Variants in MSI1 observed in about 807,000 individuals in gnomAD.
MSI1 encodes RNA-binding protein Musashi homolog 1.
Under a neutral mutation model 54.4 loss-of-function variants are expected in MSI1, and 15 were observed. That is an observed-to-expected ratio of 0.28 (90% CI 0.18 to 0.42). MSI1 has a LOEUF of 0.42. MSI1 is among the 20% of genes least tolerant of loss of function. The probability of loss-of-function intolerance (pLI) is 1.00; values close to 1 mark genes in which losing one functional copy is unlikely to be tolerated. For missense variants in MSI1, 304 were observed against 506.0 expected (o/e 0.60, Z 3.83); for synonymous variants, 200 against 196.5 (o/e 1.02, Z -0.15).
intron 5 of MSI1, 98 bp from the exon 6 acceptor site, chr12:120,363,233 GCT>G (rs1446241627): frequency 4.2e-6 from 4 of 959,206 alleles, no homozygotes; most frequent in Admixed American, 3.6e-5. Context: ...CAGCTGACAA[GCT>G]CTCTGTGGCC....
chr12:120,367,084 G>A (rs1876063366), intron 4 of MSI1, among the ~76,000 whole-genome samples: 1 of 152,172 alleles, frequency 6.6e-6, no homozygotes, highest in Admixed American at 6.5e-5. Flanking sequence ...ACTGGGCAGA[G>A]ATAACAGGAG....
At chr12:120,364,932 A>G (rs537768938) in intron 4 of MSI1, among the ~76,000 whole-genome samples, 177 bp from the exon 5 acceptor site, 1 of 152,296 alleles carries the variant, frequency 6.6e-6, no homozygotes, top group East Asian at 1.9e-4. Flanking sequence ...TTTTCTTCAG[A>G]CAGAGTCTCA....
chr12:120,363,249 G>C, intron 5 of MSI1, 114 bp from the exon 6 acceptor site: 1 of 803,914 alleles, frequency 1.2e-6, no homozygotes, highest in Admixed American at 2.2e-5. Context: ...TGTGGCCCCA[G>C]CCTCTTTAAA....
intron 4 of MSI1, among the ~76,000 whole-genome samples, chr12:120,365,924 C>T (rs1016534532): frequency 1.3e-5 from 2 of 152,188 alleles, no homozygotes; most frequent in Non-Finnish European, 2.9e-5. Flanking sequence ...CGGGTGAAAG[C>T]GGCCCTTTGT....
Position 120,368,877 on chromosome 12 carries a change from C to G in MSI1, c.60-4G>C. On this transcript the variant is annotated splice_region_variant and splice_polypyrimidine_tract_variant and intron_variant, in intron 1 of 14. Transcript: ENST00000257552. The surrounding 1 kb of genome is among the most constrained non-coding windows in gnomAD (Gnocchi z 6.6). ...GAGTCCCCCGATGAACATCTTGCTG[C>G]GGGAGGAGGAGAGACACAAAGGGCC... 6.8e-7 allele frequency: 1 copy of G among 1,461,700 alleles called. No homozygotes were observed. Among genetic ancestry groups the G allele is most frequent in the South Asian group, 1.3e-5 (1 of 77,402 alleles). The allele number at this position is 1,461,700 out of a possible 1,614,324, so 90.5% of individuals were successfully genotyped here. A position where few individuals can be genotyped will look rare whatever the true frequency, so the allele number is the denominator to read the frequency against.
intron 8 of MSI1, 85 bp from the exon 9 acceptor site, chr12:120,357,104 T>G (rs2090646781): frequency 8.2e-7 from 1 of 1,226,602 alleles, no homozygotes; most frequent in African/African-American, 1.5e-5. Context: ...TTTATTAATT[T>G]TATTAATTTC....
intron 6 of MSI1, chr12:120,361,356 G>A (rs569947832): frequency 8.5e-5 from 13 of 152,418 alleles, no homozygotes; most frequent in African/African-American, 2.9e-4. Context: ...AACCCTGCAA[G>A]GAAGGCCACC....
intron 7 of MSI1, 85 bp downstream of exon 7, chr12:120,358,920 G>A: frequency 2.1e-6 from 3 of 1,444,868 alleles, no homozygotes; most frequent in Non-Finnish European, 2.9e-6. Context: ...GATGTCAGAA[G>A]GCGAGATGAA....
At chr12:120,341,198 C>A (rs115697898), downstream of MSI1, 8,978 of 152,436 alleles carry the variant, frequency 0.059, 395 homozygotes, top group Admixed American at 0.15. Context: ...CCCTGTTCAT[C>A]TATCTTGTGT....
rs570077130 is a variant in MSI1, at chr12:120,345,761, TG to T, written c.1048-130del. ...CTACCTGTCCGGATCGCCCCCCTAC[TG>T]CAGGTCTGCCTACCCGGATCACCCC... On this transcript the variant is annotated intron_variant, in intron 13 of 14. Transcript: ENST00000257552. 1.8e-4 allele frequency: 189 copies of T among 1,076,666 alleles called. 2 individuals carry two copies. The highest frequency in any genetic ancestry group is 1.6e-3 in the South Asian group (118 of 74,298). The allele number at this position is 1,076,666 out of a possible 1,614,324, so 66.7% of individuals were successfully genotyped here.
chr12:120,365,909 T>C (rs1182274620), intron 4 of MSI1, among the ~76,000 whole-genome samples: 3 of 152,140 alleles, frequency 2.0e-5, no homozygotes, highest in Non-Finnish European at 4.4e-5. Flanking sequence ...TCAGATGAGA[T>C]AACGCGGGTG....
intron 11 of MSI1, among the ~76,000 whole-genome samples, chr12:120,347,930 C>T (rs888097106): frequency 7.2e-5 from 11 of 152,212 alleles, no homozygotes; most frequent in Non-Finnish European, 1.2e-4. Context: ...CGTCCTTCTT[C>T]GCAGCCCACG....
intron 4 of MSI1, 129 bp downstream of exon 4, chr12:120,367,879 C>A: frequency 1.1e-6 from 1 of 872,858 alleles, no homozygotes; most frequent in Non-Finnish European, 1.7e-6. Context: ...GCATGGCAGC[C>A]CTCTTACTCA....
In MSI1 at chr12:120,342,288, C is replaced by T. The variant is rs1378907570; in HGVS notation, c.*839G>A. 6.6e-6 allele frequency: 1 copy of T among 152,612 alleles called. No individual in the cohort carries two copies. The highest frequency in any genetic ancestry group is 1.5e-5 in the Non-Finnish European group (1 of 68,114). 9.5% of individuals were successfully genotyped at this position (152,612 alleles called of 1,614,324 possible). On this transcript the variant is annotated 3_prime_UTR_variant, in exon 15 of 15. Transcript: ENST00000257552. ...GGGCAGGTCCAACCAAGGCCTTGAC[C>T]CTGAGGGCCTGAGAGAGCGGGCCTG...
At position 120,355,022 on chromosome 12, in the gene MSI1, G is replaced by A. The variant is rs541375674; in HGVS notation, c.653-1643C>T. The stretch of plus-strand genomic sequence containing the variant: ...CAGCTGGGCAACATAGTGAGACCCC[G>A]TCTCTACCAAAAAAAAAAAAAAAAA... On this transcript the variant is annotated intron_variant, in intron 9 of 14. Transcript: ENST00000257552. 3.2e-5 allele frequency among the ~76,000 whole-genome samples: 3 copies of A among 95,010 alleles called. No individual in the cohort carries two copies. The East Asian group carries it at 9.1e-4, about 29-fold the overall frequency. The allele number at this position is 95,010 out of a possible 152,430, so 62.3% of individuals were successfully genotyped here. A position where few individuals can be genotyped will look rare whatever the true frequency, so the allele number is the denominator to read the frequency against.
At chr12:120,351,492 G>A in intron 10 of MSI1, 92 bp from the exon 11 acceptor site, 3 of 1,177,274 alleles carry the variant, frequency 2.5e-6, no homozygotes, top group Admixed American at 2.0e-5. Context: ...GGGACACTGG[G>A]TGAGGAGACA....
intron 6 of MSI1, chr12:120,361,400 C>G (rs1191164537): frequency 1.3e-5 from 2 of 152,284 alleles, no homozygotes; most frequent in African/African-American, 4.8e-5. Context: ...CAACCTGGGC[C>G]TTGGCTGGAG....
At chr12:120,361,484 C>A (rs1875635638) in intron 6 of MSI1, 1 of 152,368 alleles carries the variant, frequency 6.6e-6, no homozygotes, top group African/African-American at 2.4e-5. Context: ...CGGGTTAGCC[C>A]CACCGGTGTC....
rs1873760586 is a variant in MSI1, at chr12:120,342,622, C to T, written c.*505G>A. 1.6e-5 allele frequency: 2 copies of T among 123,932 alleles called. No homozygotes were observed. The highest frequency in any genetic ancestry group is 3.3e-5 in the Non-Finnish European group (2 of 60,894). The allele number at this position is 123,932 out of a possible 1,614,324, so 7.7% of individuals were successfully genotyped here. ...CGGCCTGGGGCTTCACATTCACAAA[C>T]CTAGAAATAGTTTAAAAAAGGTTTC... On this transcript the variant is annotated 3_prime_UTR_variant, in exon 15 of 15. Coordinates refer to ENST00000257552, the MANE Select transcript of MSI1 (RefSeq NM_002442.4).
Sources: allele counts gnomAD v4.1 joint callset (sites outside exome capture counted in the v4.1 genomes callset), GRCh38; gene constraint gnomAD v4.1.1; non-coding constraint Gnocchi (gnomAD v3.1); transcripts MANE v1.5; gene names NCBI Gene and HGNC (gene_info 2026-07-23, HGNC 2026-07-21).